The following FSHR variants were observed in gnomAD, a reference collection of about 807,000 sequenced individuals.
FSHR encodes the protein follicle stimulating hormone receptor.
Under a neutral mutation model 52.1 loss-of-function variants are expected in FSHR, and 46 were observed. That is an observed-to-expected ratio of 0.88 (90% confidence interval 0.70 to 1.13). The LOEUF (loss-of-function observed/expected upper bound fraction) is 1.13, where lower values mean the gene tolerates loss of function less well. Ranked by LOEUF, FSHR falls within the 50% of genes most tolerant of loss-of-function variation. The pLI, the probability that FSHR is intolerant of heterozygous loss-of-function variation, is 0.00. For synonymous variants in FSHR, 399 were observed against 309.6 expected (o/e 1.29, Z -3.03); for missense variants, 964 against 834.6 (o/e 1.16, Z -1.91).
intron 9 of FSHR, among the ~76,000 whole-genome samples, chr2:48,966,962 T>G (rs980169088): frequency 2.6e-5 from 4 of 152,096 alleles, no homozygotes. Flanking sequence ...AAGGTAGATG[T>G]GGAGATTCTG....
chr2:49,061,133 G>T (rs373446406), intron 2 of FSHR, among the ~76,000 whole-genome samples: 11 of 152,190 alleles, frequency 7.2e-5, no homozygotes, highest in South Asian at 2.1e-4. Context: ...CTGCTAGGGG[G>T]TGCCTCAGAG....
At chr2:49,013,451 A>AAT (rs1553333390) in intron 4 of FSHR, among the ~76,000 whole-genome samples, 5 of 135,554 alleles carry the variant, frequency 3.7e-5, no homozygotes, top group Admixed American at 8.0e-5. Flanking sequence ...CTTAGCCCTG[A>AAT]ATATATATAT....
intron 6 of FSHR, among the ~76,000 whole-genome samples, chr2:48,986,285 C>T (rs1675511673): frequency 1.3e-5 from 2 of 152,026 alleles, no homozygotes; most frequent in Admixed American, 6.6e-5. Context: ...ATCCATGTTG[C>T]TGCAAAGGGC....
In FSHR at chr2:49,075,812, G is replaced by GTT. The variant is rs34641522; in HGVS notation, c.153-7524_153-7523dup. Among the ~76,000 whole-genome samples, 44 of 151,656 alleles carry GTT rather than the reference G, an allele frequency of 2.9e-4. No individual in the cohort carries two copies. The East Asian group carries it at 4.3e-3, about 15-fold the overall frequency. On this transcript the variant is annotated intron_variant, in intron 1 of 9. Transcript: ENST00000406846. Reference sequence around the variant, plus strand: ...CTGGCTGACTTTTGTTTTTGTTTGGGTTTTTTTGGGAGAGACAGGGTTTTA... The same window carrying GTT: ...CTGGCTGACTTTTGTTTTTGTTTGGGTTTTTTTTTGGGAGAGACAGGGTTTTA...
chr2:49,119,291 A>G (rs1469170041), intron 1 of FSHR, among the ~76,000 whole-genome samples: 3 of 152,162 alleles, frequency 2.0e-5, no homozygotes, highest in Non-Finnish European at 2.9e-5. Context: ...GAGTGTGGGC[A>G]AATTTCGGTT....
At chr2:49,038,507 C>T (rs1223488562) in intron 2 of FSHR, among the ~76,000 whole-genome samples, 2 of 151,496 alleles carry the variant, frequency 1.3e-5, no homozygotes, top group Non-Finnish European at 2.9e-5. Context: ...CACCTGTAGT[C>T]CCAGCTACTC....
intron 1 of FSHR, among the ~76,000 whole-genome samples, chr2:49,130,184 G>A (rs1169800945): frequency 2.0e-5 from 3 of 152,138 alleles, no homozygotes; most frequent in Non-Finnish European, 4.4e-5. Context: ...GGTCTGCCCT[G>A]ATGTTTTGCT....
chr2:49,082,129 G>A (rs992161779), intron 1 of FSHR, among the ~76,000 whole-genome samples: 1 of 152,174 alleles, frequency 6.6e-6, no homozygotes, highest in South Asian at 2.1e-4. Flanking sequence ...GAGAGCAGTG[G>A]TTCTCCCAGC....
intron 1 of FSHR, among the ~76,000 whole-genome samples, chr2:49,094,152 T>G (rs980913682): frequency 1.3e-5 from 2 of 152,224 alleles, no homozygotes; most frequent in Non-Finnish European, 2.9e-5. Flanking sequence ...AAATAAATTT[T>G]TAAGTAGTTG....
intron 8 of FSHR, among the ~76,000 whole-genome samples, chr2:48,981,699 A>G (rs1328353961): frequency 6.6e-6 from 1 of 152,202 alleles, no homozygotes; most frequent in Non-Finnish European, 1.5e-5. Context: ...CATTAATAAT[A>G]AATATTTAAA....
At chr2:49,148,948 G>A (rs949834839) in intron 1 of FSHR, among the ~76,000 whole-genome samples, 32 of 151,894 alleles carry the variant, frequency 2.1e-4, no homozygotes, top group African/African-American at 6.3e-4. Context: ...ATAGAATGAC[G>A]GTGTGCAGGC....
At chr2:49,001,633 TATTA>T (rs1666887136) in intron 4 of FSHR, among the ~76,000 whole-genome samples, 2 of 152,278 alleles carry the variant, frequency 1.3e-5, no homozygotes, top group Non-Finnish European at 2.9e-5. Context: ...TCATTTCTAA[TATTA>T]ATTATTTAGA....
intron 1 of FSHR, among the ~76,000 whole-genome samples, chr2:49,148,894 A>C (rs1672963532): frequency 6.6e-6 from 1 of 151,936 alleles, no homozygotes; most frequent in South Asian, 2.1e-4. Context: ...ATGTTTTTGA[A>C]CTGGGAAATC....
intron 9 of FSHR, among the ~76,000 whole-genome samples, chr2:48,967,246 C>A (rs1674518110): frequency 6.6e-6 from 1 of 152,144 alleles, no homozygotes; most frequent in African/African-American, 2.4e-5. Flanking sequence ...CAGGCATGCG[C>A]CACCACACAT....
At chr2:49,053,807 A>G (rs1333690360) in intron 2 of FSHR, among the ~76,000 whole-genome samples, 1 of 152,212 alleles carries the variant, frequency 6.6e-6, no homozygotes, top group Non-Finnish European at 1.5e-5. Context: ...AATTTTTCCC[A>G]ATCATTTTAA....
At chr2:49,094,190 C>A (rs1048590821) in intron 1 of FSHR, among the ~76,000 whole-genome samples, 1 of 152,130 alleles carries the variant, frequency 6.6e-6, no homozygotes, top group Non-Finnish European at 1.5e-5. Context: ...TTAGAATCCA[C>A]TTAGAATTAA....
At position 49,007,959 on chromosome 2, in the gene FSHR, G is replaced by T. The variant is rs573456845; in HGVS notation, c.374+9530C>A. ...CATGGGCACCCTTAACTAGTAAATG[G>T]CAGGGTCAGGAATTTAATAAGAATG... On this transcript the variant is annotated intron_variant, in intron 4 of 9. Transcript: ENST00000406846. Among the ~76,000 whole-genome samples the T allele has an allele frequency of 7.2e-5, 11 of 151,848 alleles. No individual in the cohort carries two copies. In the South Asian group the frequency reaches 2.3e-3, roughly 32 times the overall value.
intron 2 of FSHR, among the ~76,000 whole-genome samples, chr2:49,030,281 TG>T (rs1668054872): frequency 1.0e-5 from 1 of 99,410 alleles, no homozygotes; most frequent in Non-Finnish European, 2.1e-5. Flanking sequence ...AGTGTGTGTG[TG>T]TGTGTGTGTG....
At chr2:49,034,431 C>A (rs1240084612) in intron 2 of FSHR, among the ~76,000 whole-genome samples, 2 of 152,196 alleles carry the variant, frequency 1.3e-5, no homozygotes, top group Non-Finnish European at 2.9e-5. Context: ...ACCTTTAGAG[C>A]AAAGTGGTAT....
Sources: allele counts gnomAD v4.1 joint callset (sites outside exome capture counted in the v4.1 genomes callset), GRCh38; gene constraint gnomAD v4.1.1; transcripts MANE v1.5; gene names NCBI Gene and HGNC (gene_info 2026-07-23, HGNC 2026-07-21).